Variants in IL1RAPL2 observed in about 807,000 individuals in gnomAD.
The protein encoded by IL1RAPL2 is interleukin 1 receptor accessory protein like 2, also known as X-linked interleukin-1 receptor accessory protein-like 2.
Under a neutral mutation model 44.1 loss-of-function variants are expected in IL1RAPL2, and 3 were observed. The ratio of observed to expected loss-of-function variants is 0.07; its 90% CI spans 0.03 to 0.18. IL1RAPL2 has a LOEUF of 0.18. Ranked by LOEUF, IL1RAPL2 falls within the 10% of genes least tolerant of loss-of-function variation. IL1RAPL2 has a pLI of 1.00. For synonymous variants in IL1RAPL2, 181 were observed against 178.8 expected, an observed-to-expected ratio of 1.01 and a Z score of -0.10; for missense variants, 391 against 496.4, an observed-to-expected ratio of 0.79 and a Z score of 2.02.
Position 104,649,373 on chromosome X carries a change from G to T in IL1RAPL2, c.-19-9522G>T, listed in dbSNP as rs777979984. Among the ~76,000 whole-genome samples, 6 of 111,366 alleles carry T rather than the reference G, an allele frequency of 5.4e-5. No homozygotes were observed. The East Asian group carries it at 1.7e-3, about 32-fold the overall frequency. On this transcript the variant is annotated intron_variant, in intron 1 of 10. Transcript: ENST00000372582. ...GAAAGTTGGACTAGGTAACTATTGA[G>T]GTCCTTTCCAAATTTGAGTTTGAGA...
At chrX:105,758,732 A>T (rs1363097592) in intron 10 of IL1RAPL2, among the ~76,000 whole-genome samples, 1 of 112,087 alleles carries the variant, frequency 8.9e-6, no homozygotes, top group Non-Finnish European at 1.9e-5. Flanking sequence ...CTTACTTTCC[A>T]GTAAAAGTTT....
chrX:104,999,239 G>A (rs1569358344), intron 2 of IL1RAPL2, among the ~76,000 whole-genome samples: 1 of 112,032 alleles, frequency 8.9e-6, no homozygotes, highest in Non-Finnish European at 1.9e-5. Context: ...ACCATCCATT[G>A]TAACAATAGA....
chrX:104,986,641 G>T (rs888587562), intron 2 of IL1RAPL2, among the ~76,000 whole-genome samples: 7 of 112,136 alleles, frequency 6.2e-5, no homozygotes, highest in Non-Finnish European at 1.3e-4. Flanking sequence ...ATCAGAATGT[G>T]CATAATACAT....
chrX:104,582,228 G>A lies in IL1RAPL2; in HGVS notation c.-20+15177G>A, dbSNP rs1184999375. Among the ~76,000 whole-genome samples the A allele has an allele frequency of 2.7e-5, 3 of 111,810 alleles. No individual in the cohort carries two copies. In the East Asian group the frequency reaches 8.5e-4, roughly 32 times the overall value. On this transcript the variant is annotated intron_variant, in intron 1 of 10. Transcript: ENST00000372582. ...AGCTACTATGGTTTGTTAGTGGACA[G>A]AAGTGCTTGAATTTGATTAAAGCAA...
intron 2 of IL1RAPL2, among the ~76,000 whole-genome samples, chrX:105,085,696 G>T (rs1427252732): frequency 9.0e-6 from 1 of 111,600 alleles, no homozygotes; most frequent in Non-Finnish European, 1.9e-5. Flanking sequence ...TGAACAACAT[G>T]GGAGTTAGGG....
chrX:105,053,932 C>T (rs1391807961), intron 2 of IL1RAPL2, among the ~76,000 whole-genome samples: 1 of 111,422 alleles, frequency 9.0e-6, no homozygotes, highest in Non-Finnish European at 1.9e-5. Flanking sequence ...CCTAAGAGTT[C>T]CAGGTTACAT....
intron 6 of IL1RAPL2, among the ~76,000 whole-genome samples, chrX:105,648,576 A>ATTT (rs2037622594): frequency 9.0e-6 from 1 of 111,652 alleles, no homozygotes; most frequent in African/African-American, 3.3e-5. Context: ...CACAAAGTGA[A>ATTT]GTGCTTTCTT....
At chrX:104,799,566 C>A (rs1007850769) in intron 2 of IL1RAPL2, among the ~76,000 whole-genome samples, 31 of 112,187 alleles carry the variant, frequency 2.8e-4, no homozygotes, top group African/African-American at 1.0e-3. Context: ...AATTAACCAA[C>A]TCTTCTTAGA....
chrX:105,193,686 C>T (rs781890622), intron 2 of IL1RAPL2, among the ~76,000 whole-genome samples: 53 of 111,531 alleles, frequency 4.8e-4, no homozygotes, highest in Non-Finnish European at 7.3e-4. Flanking sequence ...ATTTAAAAGA[C>T]TCCTGAGAGA....
At chrX:105,505,782 T>C (rs1436203360) in intron 6 of IL1RAPL2, among the ~76,000 whole-genome samples, 2 of 111,585 alleles carry the variant, frequency 1.8e-5, no homozygotes. Flanking sequence ...AATCTTGAAA[T>C]AATTGTAGAC....
intron 2 of IL1RAPL2, among the ~76,000 whole-genome samples, chrX:105,099,853 C>G (rs2032650890): frequency 9.1e-6 from 1 of 110,336 alleles, no homozygotes; most frequent in Non-Finnish European, 1.9e-5. Flanking sequence ...AATCCACCCC[C>G]ATGACCCAAA....
chrX:104,852,398 T>C (rs897869026), intron 2 of IL1RAPL2, among the ~76,000 whole-genome samples: 2 of 112,182 alleles, frequency 1.8e-5, no homozygotes, highest in Non-Finnish European at 3.8e-5. Flanking sequence ...GTATTTTTTG[T>C]GTATGTAAGG....
At chrX:104,855,681 G>GTGTTTTTTTTTTGTTTTTTT in intron 2 of IL1RAPL2, among the ~76,000 whole-genome samples, 1 of 53,880 alleles carries the variant, frequency 1.9e-5, no homozygotes, top group Non-Finnish European at 4.1e-5. Context: ...ATCTGGATCC[G>GTGTTTTTTTTTTGTTTTTTT]TTTTTTTTTT....
intron 6 of IL1RAPL2, among the ~76,000 whole-genome samples, chrX:105,656,665 A>G (rs2037679665): frequency 8.9e-6 from 1 of 111,810 alleles, no homozygotes; most frequent in Admixed American, 9.5e-5. Context: ...GGTACCTGTC[A>G]AGAAGTGGTA....
chrX:105,275,014 T>A (rs1381961956), intron 5 of IL1RAPL2, among the ~76,000 whole-genome samples: 2 of 111,244 alleles, frequency 1.8e-5, no homozygotes. Flanking sequence ...AGTTCAAGAC[T>A]AGCCTGACCA....
chrX:105,432,129 C>CTTTTTTTTTTTTTTTTTTTTTTT (rs386417369), intron 5 of IL1RAPL2, among the ~76,000 whole-genome samples: 1 of 44,834 alleles, frequency 2.2e-5, no homozygotes, highest in Non-Finnish European at 3.7e-5. Flanking sequence ...TTCAATTTGC[C>CTTTTTTTTTTTTTTTTTTTTTTT]TTTTTTTTTT....
intron 2 of IL1RAPL2, among the ~76,000 whole-genome samples, chrX:105,006,597 A>G (rs1307023105): frequency 9.0e-6 from 1 of 111,075 alleles, no homozygotes; most frequent in South Asian, 3.7e-4. Flanking sequence ...TCTGAGCTCT[A>G]CTGAAGAAAT....
At chrX:104,975,185 G>T (rs995215953) in intron 2 of IL1RAPL2, among the ~76,000 whole-genome samples, 2 of 111,163 alleles carry the variant, frequency 1.8e-5, no homozygotes, top group Non-Finnish European at 3.8e-5. Flanking sequence ...GGAGCAGATT[G>T]AATAATAAAA....
chrX:105,653,953 GTGTC>G (rs2037659248), intron 6 of IL1RAPL2, among the ~76,000 whole-genome samples: 1 of 110,169 alleles, frequency 9.1e-6, no homozygotes, highest in African/African-American at 3.3e-5. Context: ...TTGTGTGTGT[GTGTC>G]TGTGTATGTG....
Sources: gnomAD v4.1 joint callset for allele counts (sites outside exome capture counted in the v4.1 genomes callset) on GRCh38, gnomAD v4.1.1 for gene constraint, MANE v1.5 for transcripts, NCBI Gene and HGNC (gene_info 2026-07-23, HGNC 2026-07-21) for gene names.